Variants in ASIC2 observed in about 807,000 individuals in gnomAD.
ASIC2 encodes acid sensing ion channel subunit 2.
A neutral mutation model predicts 57.3 loss-of-function variants in ASIC2; 25 were observed. The observed-to-expected ratio is 0.44, with a 90% confidence interval of 0.32 to 0.61. The LOEUF (loss-of-function observed/expected upper bound fraction) is 0.61. ASIC2 is among the 20% of genes least tolerant of loss of function. The pLI, the probability that ASIC2 is intolerant of heterozygous loss-of-function variation, is 0.06. For synonymous variants in ASIC2, 319 were observed against 307.5 expected, an observed-to-expected ratio of 1.04 and a Z score of -0.39; for missense variants, 641 against 738.1, an observed-to-expected ratio of 0.87 and a Z score of 1.52.
chr17:34,036,432 T>A (rs1907881501), intron 1 of ASIC2, among the ~76,000 whole-genome samples: 1 of 147,920 alleles, frequency 6.8e-6, no homozygotes, highest in Admixed American at 6.7e-5. Flanking sequence ...AAATGACGAG[T>A]TAATGGGTGC....
intron 1 of ASIC2, among the ~76,000 whole-genome samples, chr17:34,149,436 A>G (rs1477447486): frequency 3.9e-5 from 6 of 152,200 alleles, no homozygotes; most frequent in African/African-American, 1.2e-4. Context: ...AGTCATCCCA[A>G]TGCAGGTGGA....
At chr17:33,130,127 T>C (rs958554301) in intron 1 of ASIC2, among the ~76,000 whole-genome samples, 1 of 152,218 alleles carries the variant, frequency 6.6e-6, no homozygotes, top group Non-Finnish European at 1.5e-5. Context: ...TTTAGCCTCT[T>C]GAACCTGGTG....
intron 1 of ASIC2, among the ~76,000 whole-genome samples, chr17:34,106,321 G>C (rs1266091743): frequency 6.6e-6 from 1 of 152,056 alleles, no homozygotes; most frequent in African/African-American, 2.4e-5. Context: ...CTGACAGTCA[G>C]TATATGAAGT....
chr17:33,209,743 A>G (rs1286391345), intron 1 of ASIC2, among the ~76,000 whole-genome samples: 2 of 152,236 alleles, frequency 1.3e-5, no homozygotes, highest in Admixed American at 6.5e-5. Flanking sequence ...GCATGAATAC[A>G]TGAGTGAATA....
At chr17:33,487,620 T>C (rs1597747591) in intron 1 of ASIC2, among the ~76,000 whole-genome samples, 2 of 152,336 alleles carry the variant, frequency 1.3e-5, no homozygotes, top group South Asian at 4.1e-4. Flanking sequence ...TGGGTGTGTC[T>C]GTGAGGGTGT....
At chr17:33,103,742 G>A (rs2092223938) in intron 2 of ASIC2, among the ~76,000 whole-genome samples, 1 of 152,152 alleles carries the variant, frequency 6.6e-6, no homozygotes. Context: ...TAGTCTGGCT[G>A]AGGGTCCCAC....
chr17:33,437,194 T>C (rs1384246132), intron 1 of ASIC2, among the ~76,000 whole-genome samples: 1 of 152,086 alleles, frequency 6.6e-6, no homozygotes, highest in Non-Finnish European at 1.5e-5. Flanking sequence ...GATCTCAGGC[T>C]AGAATGCAGT....
intron 1 of ASIC2, among the ~76,000 whole-genome samples, chr17:33,460,117 C>T (rs1282845964): frequency 6.6e-6 from 1 of 152,236 alleles, no homozygotes; most frequent in Non-Finnish European, 1.5e-5. Flanking sequence ...ACATCTATTT[C>T]TTCCTTTATC....
intron 1 of ASIC2, among the ~76,000 whole-genome samples, chr17:33,272,776 T>G (rs1018366357): frequency 6.6e-6 from 1 of 152,196 alleles, no homozygotes. Flanking sequence ...ACAAAACAAT[T>G]TTTTATAGAT....
intron 1 of ASIC2, among the ~76,000 whole-genome samples, chr17:33,149,871 T>TG (rs1305277332): frequency 8.5e-5 from 13 of 152,246 alleles, no homozygotes; most frequent in Admixed American, 2.6e-4. Flanking sequence ...CACCTTCTTT[T>TG]GAAAGTACCA....
At chr17:33,137,475 A>G (rs2092371202) in intron 1 of ASIC2, among the ~76,000 whole-genome samples, 1 of 152,204 alleles carries the variant, frequency 6.6e-6, no homozygotes, top group Non-Finnish European at 1.5e-5. Flanking sequence ...GGAAGGGAAG[A>G]CAACCAATAT....
chr17:34,101,022 TTC>T (rs1598026751), intron 1 of ASIC2, among the ~76,000 whole-genome samples: 1 of 152,232 alleles, frequency 6.6e-6, no homozygotes, highest in African/African-American at 2.4e-5. Context: ...TTCATAGAGT[TTC>T]TGTTAGGATA....
rs1396547970 is a variant in ASIC2 at position 33,896,766 on chromosome 17, A to G, written c.555+259212T>C. 3.3e-5 allele frequency among the ~76,000 whole-genome samples: 5 copies of G among 152,328 alleles called. No individual in the cohort carries two copies. In the East Asian group the frequency reaches 9.6e-4, roughly 29 times the overall value. On this transcript the variant is annotated intron_variant, in intron 1 of 9. Transcript: ENST00000359872. ...GCATTTATGATAGGCGAAACAGTTT[A>G]CCCCATAGATTACAATTCACACTGT...
At chr17:33,411,121 G>C (rs1910644574) in intron 1 of ASIC2, among the ~76,000 whole-genome samples, 1 of 152,300 alleles carries the variant, frequency 6.6e-6, no homozygotes, top group Non-Finnish European at 1.5e-5. Context: ...TGCATGAATG[G>C]CCACAGTCAA....
chr17:33,708,011 G>C (rs1410476046), intron 1 of ASIC2, among the ~76,000 whole-genome samples: 1 of 152,108 alleles, frequency 6.6e-6, no homozygotes, highest in South Asian at 2.1e-4. Context: ...AGCTGTGCAG[G>C]GTATTCTTGA....
intron 3 of ASIC2, among the ~76,000 whole-genome samples, chr17:33,060,277 G>T (rs553311951): frequency 3.9e-5 from 6 of 152,234 alleles, no homozygotes; most frequent in African/African-American, 1.4e-4. Context: ...TTTTCTTCTA[G>T]GGTTTTTATG....
chr17:33,432,110 C>T (rs76013274), intron 1 of ASIC2, among the ~76,000 whole-genome samples: 6,873 of 152,262 alleles, frequency 0.045, 498 homozygotes, highest in African/African-American at 0.16. Context: ...GGTTGAGCTG[C>T]GTGGGTCCAG....
At chr17:33,058,655 C>T (rs572409758) in intron 3 of ASIC2, among the ~76,000 whole-genome samples, 51 of 152,198 alleles carry the variant, frequency 3.4e-4, no homozygotes, top group African/African-American at 1.1e-3. Flanking sequence ...CTTTCGGCCC[C>T]TACTCTCTCT....
intron 1 of ASIC2, chr17:33,931,157 TG>T (rs767562158): frequency 6.6e-6 from 1 of 152,184 alleles, no homozygotes; most frequent in Non-Finnish European, 1.5e-5. Flanking sequence ...TTTATTCAGC[TG>T]GGAGCACCGG....
Sources: gnomAD v4.1 joint callset for allele counts (sites outside exome capture counted in the v4.1 genomes callset) on GRCh38, gnomAD v4.1.1 for gene constraint, MANE v1.5 for transcripts, NCBI Gene and HGNC (gene_info 2026-07-23, HGNC 2026-07-21) for gene names.